Variants in ING5 observed in about 807,000 individuals in gnomAD.
The protein encoded by ING5 is inhibitor of growth family member 5.
A neutral mutation model predicts 37.4 loss-of-function variants in ING5; 17 were observed. The ratio of observed to expected loss-of-function variants is 0.45; its 90% CI spans 0.31 to 0.68. The LOEUF (loss-of-function observed/expected upper bound fraction) is 0.68. Among genes scored for constraint, ING5 ranks in the 30% least tolerant of loss-of-function variants. ING5 has a pLI of 0.05. For missense variants in ING5, 233 were observed against 311.9 expected (o/e 0.75, Z 1.91); for synonymous variants, 123 against 116.6 (o/e 1.06, Z -0.36).
chr2:241,698,493 AGGAGT>A (rs1177389394), upstream of ING5, among the ~76,000 whole-genome samples: 6 of 108,278 alleles, frequency 5.5e-5, no homozygotes, highest in East Asian at 4.8e-4. Flanking sequence ...TTTATAATAG[AGGAGT>A]GTGTGTGTGT....
chr2:241,721,529 C>T (rs1406494433), intron 5 of ING5: 1 of 985,432 alleles, frequency 1.0e-6, no homozygotes, highest in Non-Finnish European at 1.2e-6. Flanking sequence ...CGTAGAAAAG[C>T]TTTAGACAGG....
At chr2:241,714,896 G>T (rs546359425) in intron 5 of ING5, among the ~76,000 whole-genome samples, 1 of 152,054 alleles carries the variant, frequency 6.6e-6, no homozygotes, top group Non-Finnish European at 1.5e-5. Context: ...GCGTCTGGCC[G>T]TCTTGATCTT....
At chr2:241,692,663 C>T (rs866366442) in intron 2 of ING5, among the ~76,000 whole-genome samples, 10 of 152,046 alleles carry the variant, frequency 6.6e-5, no homozygotes, top group African/African-American at 2.4e-4. Context: ...CTGAAGGACC[C>T]CACAGGAGCT....
Position 241,725,216 on chromosome 2 carries a change from G to C in ING5, c.*185G>C. ...CCTGTTCGCACAGAAGGGCGACCTT[G>C]CAGGGACTCGCCGCCGCGACCTCAG... On this transcript the variant is annotated 3_prime_UTR_variant, in exon 8 of 8. Transcript: ENST00000313552. The C allele has an allele frequency of 1.5e-6, 1 of 647,644 alleles. No homozygotes were observed. The highest frequency in any genetic ancestry group is 2.7e-6 in the Non-Finnish European group (1 of 365,814). The allele number at this position is 647,644 out of a possible 1,614,324, so 40.1% of individuals were successfully genotyped here.
chr2:241,722,484 G>A, intron 5 of ING5: 1 of 985,362 alleles, frequency 1.0e-6, no homozygotes, highest in Non-Finnish European at 1.2e-6. Context: ...CCCGAAGGTG[G>A]GCGCGAGGTC....
intron 5 of ING5, chr2:241,722,274 C>A (rs1271196458): frequency 2.4e-5 from 24 of 985,252 alleles, no homozygotes; most frequent in South Asian, 4.7e-5. Context: ...GTGCTTGTTT[C>A]CAAAGGGGCC....
upstream of ING5, among the ~76,000 whole-genome samples, chr2:241,699,991 T>A (rs1446250426): frequency 2.6e-5 from 4 of 152,036 alleles, no homozygotes; most frequent in African/African-American, 9.7e-5. Flanking sequence ...ATTATTTTAT[T>A]TTATATTTTA....
intron 2 of ING5, among the ~76,000 whole-genome samples, chr2:241,706,705 C>G (rs1409553027): frequency 1.3e-5 from 2 of 151,612 alleles, no homozygotes; most frequent in Non-Finnish European, 2.9e-5. Context: ...TTGTTCTAGC[C>G]TCATACTCAG....
chr2:241,719,376 C>T, intron 5 of ING5: 2 of 681,938 alleles, frequency 2.9e-6, no homozygotes, highest in Non-Finnish European at 5.2e-6. Flanking sequence ...CCCCCAACAC[C>T]CCCCACTCTG....
At chr2:241,721,250 G>T (rs141168391) in intron 5 of ING5, 2 of 985,490 alleles carry the variant, frequency 2.0e-6, no homozygotes, top group Non-Finnish European at 2.4e-6. Flanking sequence ...AGACCCTTGC[G>T]TGCTGCTGTC....
upstream of ING5, among the ~76,000 whole-genome samples, chr2:241,697,310 C>T (rs1221753907): frequency 6.6e-6 from 1 of 151,058 alleles, no homozygotes; most frequent in Non-Finnish European, 1.5e-5. Context: ...TGTCGGGCGC[C>T]TGTAGTCCCA....
intron 2 of ING5, among the ~76,000 whole-genome samples, chr2:241,705,460 C>T (rs1349651740): frequency 3.6e-5 from 5 of 140,198 alleles, no homozygotes; most frequent in South Asian, 2.4e-4. Context: ...TGCAGTGGCA[C>T]GATCTTGGCT....
In ING5 at chr2:241,729,155, C is replaced by G. The variant is rs558532573; in HGVS notation, c.*4124C>G. The G allele has an allele frequency of 6.5e-6, 1 of 152,740 alleles. No homozygotes were observed. Among genetic ancestry groups the G allele is most frequent in the East Asian group, 1.9e-4 (1 of 5,190 alleles). 9.5% of individuals were successfully genotyped at this position (152,740 alleles called of 1,614,324 possible). Reference sequence around the variant, plus strand: ...AGTGAGCAGTGATTGGCCTTCAATACTTGTGCTGAGAGGAATTTTAAGCCA... The same window carrying G: ...AGTGAGCAGTGATTGGCCTTCAATAGTTGTGCTGAGAGGAATTTTAAGCCA... On this transcript the variant is annotated 3_prime_UTR_variant, in exon 8 of 8. Coordinates refer to ENST00000313552, the MANE Select transcript of ING5 (RefSeq NM_032329.6).
chr2:241,689,756 C>T (rs1167274729), intron 1 of ING5: 1 of 152,182 alleles, frequency 6.6e-6, no homozygotes, highest in Non-Finnish European at 1.5e-5. Flanking sequence ...CTTACTATTC[C>T]CTTACATAGA....
chr2:241,687,373 C>T, exon 1 of ING5: 1 of 398,860 alleles, frequency 2.5e-6, no homozygotes, highest in East Asian at 3.6e-5. Flanking sequence ...CGACTGCGTT[C>T]TGGAAACGCT....
intron 5 of ING5, chr2:241,719,512 C>G: frequency 6.5e-7 from 1 of 1,530,512 alleles, no homozygotes; most frequent in Non-Finnish European, 8.8e-7. Flanking sequence ...CTTCCTGCTC[C>G]TTCCTGCTCG....
In ING5 at chr2:241,724,982, G is replaced by T. The variant is rs570258114; in HGVS notation, c.681-7G>T. ...CCCAGGGCCTCACTGCGCCTTTCTTGTCACAGGTTCTGTCCACGGTGTGTC... is the reference window on the plus strand; with the variant it reads ...CCCAGGGCCTCACTGCGCCTTTCTTTTCACAGGTTCTGTCCACGGTGTGTC... On this transcript the variant is annotated splice_region_variant and splice_polypyrimidine_tract_variant and intron_variant, in intron 7 of 7. Transcript: ENST00000313552. 6.2e-7 allele frequency: 1 copy of T among 1,614,016 alleles called. No individual in the cohort carries two copies. The highest frequency in any genetic ancestry group is 2.2e-5 in the East Asian group (1 of 44,872).
At chr2:241,693,488 C>T (rs575696434) in intron 2 of ING5, among the ~76,000 whole-genome samples, 1 of 151,906 alleles carries the variant, frequency 6.6e-6, no homozygotes, top group African/African-American at 2.4e-5. Context: ...CCCCTACGCT[C>T]TCCGACATAC....
intron 5 of ING5, 173 bp downstream of exon 5, chr2:241,712,244 G>T (rs1326939664): frequency 3.4e-6 from 2 of 579,728 alleles, no homozygotes; most frequent in Non-Finnish European, 6.1e-6. Context: ...CAGCCTTTGA[G>T]GGGGTGCCGT....
Sources: gnomAD v4.1 joint callset for allele counts (sites outside exome capture counted in the v4.1 genomes callset) on GRCh38, gnomAD v4.1.1 for gene constraint, MANE v1.5 for transcripts, NCBI Gene and HGNC (gene_info 2026-07-23, HGNC 2026-07-21) for gene names.